Variants in CRACD observed in about 807,000 individuals in gnomAD.
CRACD encodes capping protein inhibiting regulator of actin dynamics, also known as capping protein-inhibiting regulator of actin dynamics.
CRACD carries 56 observed loss-of-function variants against 106.8 expected under a neutral mutation model. That is an observed-to-expected ratio of 0.52 (90% CI 0.42 to 0.66). The LOEUF (loss-of-function observed/expected upper bound fraction) is 0.66. Ranked by LOEUF, CRACD falls within the 30% of genes least tolerant of loss-of-function variation. The probability of loss-of-function intolerance (pLI) is 0.00; values close to 1 mark genes in which losing one functional copy is unlikely to be tolerated. For missense variants in CRACD, 1,730 were observed against 1,623.2 expected, an observed-to-expected ratio of 1.07 and a Z score of -1.13; for synonymous variants, 754 against 670.8, an observed-to-expected ratio of 1.12 and a Z score of -1.92.
chr4:56,259,124 C>CTGCCTTTAAGGGT (rs1741544654), intron 2 of CRACD, among the ~76,000 whole-genome samples: 1 of 152,152 alleles, frequency 6.6e-6, no homozygotes, highest in Non-Finnish European at 1.5e-5. Flanking sequence ...GGTACTGCTT[C>CTGCCTTTAAGGGT]ACTTTTGGGG....
intron 2 of CRACD, among the ~76,000 whole-genome samples, chr4:56,212,698 A>C (rs1248089397): frequency 6.6e-6 from 1 of 152,134 alleles, no homozygotes; most frequent in South Asian, 2.1e-4. Flanking sequence ...TTCCCTACCA[A>C]AGTACACACA....
chr4:56,096,331 T>A (rs1423246061), intron 1 of CRACD, among the ~76,000 whole-genome samples: 3 of 152,104 alleles, frequency 2.0e-5, no homozygotes, highest in Admixed American at 6.5e-5. Context: ...AGGCTTGGGA[T>A]ATGAAGAGGA....
At chr4:56,145,079 C>T (rs186735119) in intron 1 of CRACD, among the ~76,000 whole-genome samples, 122 of 152,244 alleles carry the variant, frequency 8.0e-4, no homozygotes, top group Admixed American at 1.5e-3. Context: ...TGAGCCACTG[C>T]GCCTGGCCAC....
intron 2 of CRACD, among the ~76,000 whole-genome samples, chr4:56,231,439 C>G (rs1458998549): frequency 6.6e-6 from 1 of 152,176 alleles, no homozygotes; most frequent in Non-Finnish European, 1.5e-5. Flanking sequence ...TGTTGCTTAT[C>G]TTCTAAAGCT....
intron 1 of CRACD, among the ~76,000 whole-genome samples, chr4:56,136,347 A>G (rs918838754): frequency 1.3e-5 from 2 of 152,184 alleles, no homozygotes; most frequent in South Asian, 2.1e-4. Context: ...ACTGTTTTCC[A>G]TAGTGTCTGT....
intron 4 of CRACD, among the ~76,000 whole-genome samples, chr4:56,300,537 T>C (rs992079976): frequency 2.0e-5 from 3 of 152,182 alleles, no homozygotes; most frequent in Non-Finnish European, 4.4e-5. Flanking sequence ...TTGACCCCCC[T>C]CCTCCTTACC....
At position 56,316,212 on chromosome 4, in the gene CRACD, C is replaced by T. The variant is rs770981534; in HGVS notation, c.2710C>T (p.Pro904Ser). 1 of 1,613,948 alleles carries T rather than the reference C, an allele frequency of 6.2e-7. No individual in the cohort carries two copies. Among genetic ancestry groups the T allele is most frequent in the African/African-American group, 1.3e-5 (1 of 74,932 alleles). ...EMEGVALKHG[P>S]SLPQERKQAP... Reference sequence around the variant, plus strand: ...GGAGGGTGTGGCCCTCAAGCATGGTCCATCCCTCCCCCAAGAGCGGAAGCA... The same window carrying T: ...GGAGGGTGTGGCCCTCAAGCATGGTTCATCCCTCCCCCAAGAGCGGAAGCA... The change falls in exon 8 of 11, where the codon CCA becomes TCA. Residue 904 changes from proline to serine, a missense_variant. Around this residue, in one of 5 missense-constraint regions of CRACD, gnomAD observed 1,620 missense variants for 1,481.6 expected, o/e 1.09. Coordinates refer to ENST00000682029, the MANE Select transcript of CRACD (RefSeq NM_001393381.1).
chr4:56,314,715 G>A lies in CRACD; in HGVS notation c.1213G>A (p.Glu405Lys), dbSNP rs1577902874. 2 of 1,565,900 alleles carry A rather than the reference G, an allele frequency of 1.3e-6. No individual in the cohort carries two copies. The highest frequency in any genetic ancestry group is 1.7e-6 in the Non-Finnish European group (2 of 1,155,300). ...GGAGGAGGAGGATCTGGGGGAAGAG[G>A]AGGAGGAGGGCCAGGCGCACCTGGA... ...GAEEEDLGEE[E>K]EEGQAHLEDW... The change falls in exon 8 of 11, where the codon GAG becomes AAG. Residue 405 changes from glutamate (E) to lysine (K), a missense_variant. Physicochemically the swap from Glu to Lys is moderately conservative, Grantham distance 56. This residue lies in a region of CRACD where 1,620 missense variants were observed against 1,481.6 expected (regional missense o/e 1.09). Transcript: ENST00000682029. The surrounding 1 kb of genome is among the most constrained non-coding windows in gnomAD (Gnocchi z 4.4).
rs769854725 is a variant in CRACD at position 56,314,700 on chromosome 4, G to T, written c.1198G>T (p.Asp400Tyr). The change falls in exon 8 of 11, where the codon GAT (aspartate) becomes TAT (tyrosine). Residue 400 changes from aspartate (D) to tyrosine (Y), a missense_variant. Transcript: ENST00000682029. The surrounding 1 kb of genome is among the most constrained non-coding windows in gnomAD (Gnocchi z 4.4). ...GEGRRGAEEEDLGEEEEEGQA... is the reference protein window; with the variant it reads ...GEGRRGAEEEYLGEEEEEGQA... ...GGGCCGGCGGGGCGCGGAGGAGGAG[G>T]ATCTGGGGGAAGAGGAGGAGGAGGG... 2 of 1,559,296 alleles carry T rather than the reference G, an allele frequency of 1.3e-6. No individual in the cohort carries two copies. Among genetic ancestry groups the T allele is most frequent in the East Asian group, 4.7e-5 (2 of 42,392 alleles).
chr4:56,152,573 TA>T (rs1360642850), intron 1 of CRACD, among the ~76,000 whole-genome samples: 2 of 151,828 alleles, frequency 1.3e-5, no homozygotes, highest in Non-Finnish European at 2.9e-5. Context: ...TCTCTTTTTT[TA>T]AAAAAAGCAT....
At chr4:56,196,816 C>T (rs1004733958) in intron 2 of CRACD, among the ~76,000 whole-genome samples, 1 of 152,036 alleles carries the variant, frequency 6.6e-6, no homozygotes, top group Non-Finnish European at 1.5e-5. Context: ...AAGGAAGAGG[C>T]AGAAAACTTA....
chr4:56,169,125 A>G (rs1736260746), intron 1 of CRACD, among the ~76,000 whole-genome samples: 1 of 152,130 alleles, frequency 6.6e-6, no homozygotes, highest in African/African-American at 2.4e-5. Flanking sequence ...ACTGCCAGAG[A>G]ACAAACAAAT....
At chr4:56,137,464 A>T (rs1253604997) in intron 1 of CRACD, among the ~76,000 whole-genome samples, 7 of 152,226 alleles carry the variant, frequency 4.6e-5, no homozygotes, top group Non-Finnish European at 8.8e-5. Context: ...GTATGACAAC[A>T]GTGGACGAGG....
At chr4:56,257,079 C>CTTTTT (rs566765737) in intron 2 of CRACD, among the ~76,000 whole-genome samples, 14 of 114,502 alleles carry the variant, frequency 1.2e-4, no homozygotes, top group African/African-American at 1.6e-4. Flanking sequence ...TTTTGATGTT[C>CTTTTT]TTTTTTTTTT....
chr4:56,077,906 G>T (rs1732897203), intron 1 of CRACD, among the ~76,000 whole-genome samples: 1 of 152,156 alleles, frequency 6.6e-6, no homozygotes. Context: ...GCAGGTATTT[G>T]GGGAAGGCAT....
chr4:56,230,175 C>A (rs1305269394), intron 2 of CRACD, among the ~76,000 whole-genome samples: 2 of 152,128 alleles, frequency 1.3e-5, no homozygotes, highest in African/African-American at 4.8e-5. Context: ...GGTTTTAAGT[C>A]CATTACATGC....
intron 2 of CRACD, among the ~76,000 whole-genome samples, chr4:56,191,126 A>G (rs1737351313): frequency 6.6e-6 from 1 of 152,230 alleles, no homozygotes; most frequent in Non-Finnish European, 1.5e-5. Flanking sequence ...TAATTTTCCT[A>G]GAATGTGTAT....
At chr4:56,083,692 A>G (rs1293416157) in intron 1 of CRACD, among the ~76,000 whole-genome samples, 1 of 152,244 alleles carries the variant, frequency 6.6e-6, no homozygotes, top group Middle Eastern at 3.4e-3. Flanking sequence ...TATGTTTCCT[A>G]GGCTAGGTAT....
chr4:56,057,808 T>TTTTG (rs1732133091), intron 1 of CRACD, among the ~76,000 whole-genome samples: 2 of 59,588 alleles, frequency 3.4e-5, no homozygotes, highest in African/African-American at 3.0e-4. Context: ...TATTTTTTTT[T>TTTTG]TTTTTGTTTT....
Sources: allele counts gnomAD v4.1 joint callset (sites outside exome capture counted in the v4.1 genomes callset), GRCh38; gene constraint gnomAD v4.1.1; regional missense constraint gnomAD v4.1.1; non-coding constraint Gnocchi (gnomAD v3.1); transcripts MANE v1.5; gene names NCBI Gene and HGNC (gene_info 2026-07-23, HGNC 2026-07-21).